Variants in DEPDC1B observed in about 807,000 individuals in gnomAD.
DEPDC1B encodes the protein DEP domain containing 1B, also known as DEP domain-containing protein 1B.
DEPDC1B carries 51 observed loss-of-function variants against 66.5 expected under a neutral mutation model. The ratio of observed to expected loss-of-function variants is 0.77; its 90% CI spans 0.61 to 0.97. The LOEUF (loss-of-function observed/expected upper bound fraction) is 0.97, where lower values mean the gene tolerates loss of function less well. DEPDC1B is among the 50% of genes least tolerant of loss of function. The pLI, the probability that DEPDC1B is intolerant of heterozygous loss-of-function variation, is 0.00. For synonymous variants in DEPDC1B, 226 were observed against 223.6 expected (o/e 1.01, Z -0.10); for missense variants, 552 against 637.1 (o/e 0.87, Z 1.44).
chr5:60,650,678 C>T (rs1361977433), intron 2 of DEPDC1B, among the ~76,000 whole-genome samples: 1 of 152,086 alleles, frequency 6.6e-6, no homozygotes, highest in African/African-American at 2.4e-5. Context: ...ATGGACTGTT[C>T]AATAAATAGT....
chr5:60,677,273 G>T (rs893863327), intron 2 of DEPDC1B, among the ~76,000 whole-genome samples: 1 of 143,820 alleles, frequency 7.0e-6, no homozygotes. Flanking sequence ...ATTCTGCTAA[G>T]TAGCAGAATC....
chr5:60,697,702 G>C (rs561421452), intron 1 of DEPDC1B, among the ~76,000 whole-genome samples: 9 of 152,018 alleles, frequency 5.9e-5, no homozygotes, highest in Non-Finnish European at 1.3e-4. Context: ...TTAATATTAT[G>C]TTCCTCAAAC....
Position 60,698,669 on chromosome 5 carries a change from A to ATT in DEPDC1B, c.48+1375_48+1376dup, listed in dbSNP as rs34466259. ...CACAGACTCTCCCAATCTCCTTATT[A>ATT]TTTTTTTTTTTTTTTGAGATGGAGT... is the stretch of plus-strand genomic sequence containing the variant. On this transcript the variant is annotated intron_variant, in intron 1 of 10. Coordinates refer to ENST00000265036, the MANE Select transcript of DEPDC1B (RefSeq NM_018369.3). 5.0e-3 allele frequency among the ~76,000 whole-genome samples: 721 copies of ATT among 143,904 alleles called. 17 individuals are homozygous for ATT. In the East Asian group the frequency reaches 0.065, roughly 13 times the overall value. The allele number at this position is 143,904 out of a possible 152,430, so 94.4% of individuals were successfully genotyped here. A position where few individuals can be genotyped will look rare whatever the true frequency, so the allele number is the denominator to read the frequency against.
chr5:60,652,730 T>C (rs1472143281), intron 2 of DEPDC1B, among the ~76,000 whole-genome samples: 1 of 149,072 alleles, frequency 6.7e-6, no homozygotes, highest in African/African-American at 2.5e-5. Flanking sequence ...CTGTAACCAA[T>C]GTATAGTCTT....
chr5:60,651,569 A>C (rs1053631756), intron 2 of DEPDC1B, among the ~76,000 whole-genome samples: 3 of 152,052 alleles, frequency 2.0e-5, no homozygotes, highest in Non-Finnish European at 4.4e-5. Context: ...ACTAAAAAAA[A>C]CTACAATGGT....
intron 9 of DEPDC1B, among the ~76,000 whole-genome samples, chr5:60,601,771 A>T (rs1156505730): frequency 1.3e-5 from 2 of 152,230 alleles, no homozygotes; most frequent in African/African-American, 4.8e-5. Context: ...GCAGCTACTA[A>T]TTGTAGGTTT....
At chr5:60,668,841 G>T (rs1753965340) in intron 2 of DEPDC1B, among the ~76,000 whole-genome samples, 1 of 152,104 alleles carries the variant, frequency 6.6e-6, no homozygotes, top group Admixed American at 6.5e-5. Context: ...TTTTATGAAG[G>T]ATGTCTTTCT....
chr5:60,694,763 A>T (rs2112050237), intron 1 of DEPDC1B, among the ~76,000 whole-genome samples: 1 of 152,322 alleles, frequency 6.6e-6, no homozygotes, highest in East Asian at 1.9e-4. Flanking sequence ...CAGGAAAGTT[A>T]ATCGATTTTG....
At chr5:60,685,385 T>C (rs1469061732) in intron 2 of DEPDC1B, among the ~76,000 whole-genome samples, 2 of 150,548 alleles carry the variant, frequency 1.3e-5, no homozygotes, top group Non-Finnish European at 3.0e-5. Context: ...AACTTTCAGG[T>C]AGTAAATGGT....
intron 2 of DEPDC1B, among the ~76,000 whole-genome samples, chr5:60,651,325 C>T (rs765827518): frequency 1.3e-5 from 2 of 151,994 alleles, no homozygotes; most frequent in Non-Finnish European, 2.9e-5. Flanking sequence ...GTCAGGAATT[C>T]GAGACCAGCC....
intron 7 of DEPDC1B, among the ~76,000 whole-genome samples, chr5:60,633,793 C>G (rs1752977268): frequency 1.3e-5 from 2 of 152,230 alleles, no homozygotes; most frequent in Admixed American, 6.5e-5. Flanking sequence ...TTTTCCTTCA[C>G]TTTACAAACA....
chr5:60,672,209 CCA>C (rs753049805), intron 2 of DEPDC1B, among the ~76,000 whole-genome samples: 8 of 152,176 alleles, frequency 5.3e-5, no homozygotes, highest in Non-Finnish European at 1.0e-4. Context: ...TGTCATGTTC[CCA>C]CTGTATCCCC....
chr5:60,647,597 A>G, intron 2 of DEPDC1B, 64 bp from the exon 3 acceptor site: 1 of 1,541,454 alleles, frequency 6.5e-7, no homozygotes, highest in Non-Finnish European at 8.8e-7. Flanking sequence ...TTTTAACAAT[A>G]GTCTCCACTT....
chr5:60,636,924 C>G (rs575811739), intron 7 of DEPDC1B, among the ~76,000 whole-genome samples: 4 of 152,246 alleles, frequency 2.6e-5, no homozygotes, highest in South Asian at 4.1e-4. Context: ...AATTTAGAAG[C>G]AGCTTTCATG....
chr5:60,692,035 G>A (rs1021488762), intron 1 of DEPDC1B, among the ~76,000 whole-genome samples: 5 of 152,238 alleles, frequency 3.3e-5, no homozygotes, highest in Middle Eastern at 6.8e-3. Flanking sequence ...CATTTGCAAC[G>A]ACATGGATGG....
At chr5:60,643,749 T>C (rs752184375) in intron 5 of DEPDC1B, among the ~76,000 whole-genome samples, 1 of 152,224 alleles carries the variant, frequency 6.6e-6, no homozygotes, top group Non-Finnish European at 1.5e-5. Flanking sequence ...GGAACTTAAT[T>C]TTATATGTTG....
At position 60,615,690 on chromosome 5, in the gene DEPDC1B, T is replaced by A. The variant is rs1288675528; in HGVS notation, c.899-9834A>T. Reference sequence around the variant, plus strand: ...CCACTGCAGCTCAAGGAGGCCTGCCTGCCTCTGTAGACTCCACCTCTGGGG... The same window carrying A: ...CCACTGCAGCTCAAGGAGGCCTGCCAGCCTCTGTAGACTCCACCTCTGGGG... On this transcript the variant is annotated intron_variant, in intron 7 of 10. Coordinates refer to ENST00000265036, the MANE Select transcript of DEPDC1B (RefSeq NM_018369.3). Among the ~76,000 whole-genome samples the A allele has an allele frequency of 2.0e-5, 3 of 152,318 alleles. No homozygotes were observed. The South Asian group carries it at 6.2e-4, about 32-fold the overall frequency.
chr5:60,622,208 A>T (rs917998197), intron 7 of DEPDC1B, among the ~76,000 whole-genome samples: 6 of 152,128 alleles, frequency 3.9e-5, no homozygotes, highest in African/African-American at 1.4e-4. Context: ...CCCCCAAAGA[A>T]TCTACTGGTG....
chr5:60,699,697 G>A (rs1411721904), intron 1 of DEPDC1B, among the ~76,000 whole-genome samples: 1 of 152,192 alleles, frequency 6.6e-6, no homozygotes, highest in Admixed American at 6.5e-5. Flanking sequence ...CGGGGTACGT[G>A]GTGGCCCCTC....
Sources: gnomAD v4.1 joint callset for allele counts (sites outside exome capture counted in the v4.1 genomes callset) on GRCh38, gnomAD v4.1.1 for gene constraint, MANE v1.5 for transcripts, NCBI Gene and HGNC (gene_info 2026-07-23, HGNC 2026-07-21) for gene names.